The following PLAAT3 variants were observed in gnomAD, a reference collection of about 807,000 sequenced individuals.
The protein encoded by PLAAT3 is Ca-independent phospholipase A1/2.
In PLAAT3, 21 loss-of-function variants were observed where a neutral mutation model predicts 16.7. The observed-to-expected ratio is 1.26, with a 90% CI of 0.89 to 1.81. The LOEUF (loss-of-function observed/expected upper bound fraction) is 1.81, where lower values mean the gene tolerates loss of function less well. PLAAT3 is among the 40% of genes most tolerant of loss of function. PLAAT3 has a pLI of 0.00. For missense variants in PLAAT3, 219 were observed against 213.7 expected (o/e 1.02, Z -0.16); for synonymous variants, 76 against 81.7 (o/e 0.93, Z 0.38).
chr11:63,595,521 T>C (rs1938267806), intron 3 of PLAAT3, among the ~76,000 whole-genome samples: 1 of 152,164 alleles, frequency 6.6e-6, no homozygotes, highest in Non-Finnish European at 1.5e-5. Context: ...GGCCGTGTGA[T>C]ACCTCTTCCA....
intron 4 of PLAAT3, among the ~76,000 whole-genome samples, chr11:63,577,550 C>CAA (rs34229495): frequency 2.8e-4 from 42 of 147,904 alleles, no homozygotes; most frequent in South Asian, 1.3e-3. Flanking sequence ...AAGACAGAGA[C>CAA]AAAAAAAAAA....
At chr11:63,613,979 C>G (rs1938761467) in intron 2 of PLAAT3, 21 bp downstream of exon 2, 2 of 1,516,498 alleles carry the variant, frequency 1.3e-6, no homozygotes, top group Non-Finnish European at 1.8e-6. Flanking sequence ...CCCGCCCAGC[C>G]CCGCCTCGCC....
intron 2 of PLAAT3, among the ~76,000 whole-genome samples, chr11:63,600,899 C>T (rs1384935415): frequency 6.6e-6 from 1 of 151,736 alleles, no homozygotes; most frequent in African/African-American, 2.4e-5. Context: ...CCACCACGCC[C>T]GGCCTACTCT....
upstream of PLAAT3, chr11:63,614,565 C>G (rs1590704130): frequency 6.4e-6 from 1 of 155,298 alleles, no homozygotes; most frequent in African/African-American, 2.4e-5. Flanking sequence ...CCCCCGGCAC[C>G]GCCTCTTCCC....
At chr11:63,599,155 A>T (rs554931172) in intron 2 of PLAAT3, among the ~76,000 whole-genome samples, 15 of 152,182 alleles carry the variant, frequency 9.9e-5, no homozygotes, top group Non-Finnish European at 1.8e-4. Context: ...GCCAACCTTT[A>T]AACCCCTTTA....
At chr11:63,595,480 G>A (rs957710419) in intron 3 of PLAAT3, among the ~76,000 whole-genome samples, 1 of 152,074 alleles carries the variant, frequency 6.6e-6, no homozygotes, top group Non-Finnish European at 1.5e-5. Context: ...GCATGATGTT[G>A]GCTAAAAGAA....
chr11:63,605,895 G>A (rs943635730), intron 2 of PLAAT3, among the ~76,000 whole-genome samples: 3 of 151,982 alleles, frequency 2.0e-5, no homozygotes, highest in Non-Finnish European at 2.9e-5. Context: ...ACGCACTGAG[G>A]GAGTCCCAAG....
At chr11:63,584,086 A>C (rs1306706064) in intron 4 of PLAAT3, among the ~76,000 whole-genome samples, 1 of 152,092 alleles carries the variant, frequency 6.6e-6, no homozygotes, top group Admixed American at 6.5e-5. Flanking sequence ...TCAAGTATAC[A>C]AAAAATAATA....
chr11:63,594,448 G>GCA (rs770583593), intron 3 of PLAAT3, among the ~76,000 whole-genome samples: 153 of 152,216 alleles, frequency 1.0e-3, no homozygotes, highest in Non-Finnish European at 1.8e-3. Context: ...CAGGTGGAGA[G>GCA]CAGGAAGGTC....
intron 4 of PLAAT3, among the ~76,000 whole-genome samples, chr11:63,584,201 T>C (rs780572195): frequency 2.3e-4 from 35 of 152,092 alleles, no homozygotes; most frequent in Non-Finnish European, 4.4e-4. Flanking sequence ...AATATATGTA[T>C]TGCCGCCAGA....
chr11:63,599,445 C>A (rs1306457274), intron 2 of PLAAT3, among the ~76,000 whole-genome samples: 1 of 152,074 alleles, frequency 6.6e-6, no homozygotes, highest in Non-Finnish European at 1.5e-5. Flanking sequence ...CTCCCCTGGG[C>A]GCAAATGATG....
intron 4 of PLAAT3, among the ~76,000 whole-genome samples, chr11:63,584,508 G>GTTTTTT (rs59460211): frequency 7.1e-6 from 1 of 140,240 alleles, no homozygotes; most frequent in Non-Finnish European, 1.5e-5. Flanking sequence ...TTTTTTTTTT[G>GTTTTTT]TTTTTTTTTG....
At chr11:63,608,014 G>A (rs914628735) in intron 2 of PLAAT3, among the ~76,000 whole-genome samples, 2 of 151,978 alleles carry the variant, frequency 1.3e-5, no homozygotes, top group Admixed American at 6.6e-5. Context: ...GTGAAACCCC[G>A]TCTCTACTAA....
rs1285867013 is a variant in PLAAT3 at position 63,590,241 on chromosome 11, G to C, written c.246C>G (p.Asp82Glu). ...DKYQVNNKHDDKYSPLPCSKI... is the reference protein window; with the variant it reads ...DKYQVNNKHDEKYSPLPCSKI... ...TGCTGCAGGGCAGCGGCGAGTACTT[G>C]TCATCATGTTTGTTGTTGACCTGGT... is the stretch of plus-strand genomic sequence containing the variant. Residue 82 changes from aspartate to glutamate, a missense_variant, in exon 4 of 5, where the codon GAC becomes GAG. Coordinates refer to ENST00000415826, the MANE Select transcript of PLAAT3 (RefSeq NM_001128203.2). 3 of 1,614,136 alleles carry C rather than the reference G, an allele frequency of 1.9e-6. No individual in the cohort carries two copies. The highest frequency in any genetic ancestry group is 2.7e-5 in the African/African-American group (2 of 74,950).
At chr11:63,584,263 T>G (rs893794721) in intron 4 of PLAAT3, among the ~76,000 whole-genome samples, 2 of 151,280 alleles carry the variant, frequency 1.3e-5, no homozygotes, top group Non-Finnish European at 2.9e-5. Flanking sequence ...CAGACTAGAC[T>G]TCATTGTGAG....
upstream of PLAAT3, among the ~76,000 whole-genome samples, chr11:63,615,140 G>GTGTA (rs1555047889): frequency 1.9e-4 from 12 of 62,458 alleles, no homozygotes; most frequent in African/African-American, 6.0e-4. Context: ...ATGTATATGT[G>GTGTA]TATATGTGTG....
intron 4 of PLAAT3, among the ~76,000 whole-genome samples, chr11:63,587,312 C>T (rs904808122): frequency 6.6e-6 from 1 of 151,912 alleles, no homozygotes; most frequent in African/African-American, 2.4e-5. Context: ...AGATTCTATA[C>T]AGTTCTGAAA....
At position 63,607,771 on chromosome 11, in the gene PLAAT3, G is replaced by A. The variant is rs558664466; in HGVS notation, c.15+6229C>T. Among the ~76,000 whole-genome samples, 122 of 152,034 alleles carry A rather than the reference G, an allele frequency of 8.0e-4. No homozygotes were observed. In the South Asian group the frequency reaches 0.012, roughly 15 times the overall value. On this transcript the variant is annotated intron_variant, in intron 2 of 4. Transcript: ENST00000415826. ...GGCAAGCAGGAGATAAGGAGGAGGC[G>A]GAAGGAGAGGGCAGGCAGGGCAGGG...
upstream of PLAAT3, among the ~76,000 whole-genome samples, chr11:63,615,068 G>GTGTATATGTGTATA (rs1207959629): frequency 9.9e-5 from 3 of 30,286 alleles, no homozygotes; most frequent in African/African-American, 1.9e-4. Flanking sequence ...ATATATGTGT[G>GTGTATATGTGTATA]TATATATGTG....
Sources: gnomAD v4.1 joint callset for allele counts (sites outside exome capture counted in the v4.1 genomes callset) on GRCh38, gnomAD v4.1.1 for gene constraint, MANE v1.5 for transcripts, NCBI Gene and HGNC (gene_info 2026-07-23, HGNC 2026-07-21) for gene names.